The following ACVR1 variants were observed in gnomAD, a reference collection of about 807,000 sequenced individuals.
ACVR1 encodes activin A receptor type 1.
ACVR1 carries 38 observed loss-of-function variants against 57.1 expected under a neutral mutation model. The observed-to-expected ratio is 0.67, with a 90% confidence interval of 0.51 to 0.87. The LOEUF is 0.87. ACVR1 is among the 40% of genes least tolerant of loss of function. The pLI, the probability that ACVR1 is intolerant of heterozygous loss-of-function variation, is 0.00. For synonymous variants in ACVR1, 212 were observed against 228.1 expected (o/e 0.93, Z 0.63); for missense variants, 463 against 638.2 (o/e 0.73, Z 2.96).
Position 157,766,195 on chromosome 2 carries a change from A to C in ACVR1, c.792T>G (p.Gly264=), listed in dbSNP as rs1370774954. The C allele has an allele frequency of 6.2e-7, 1 of 1,613,894 alleles. No homozygotes were observed. Among genetic ancestry groups the C allele is most frequent in the East Asian group, 2.2e-5 (1 of 44,880 alleles). Residue 264 remains glycine, a splice_region_variant and synonymous_variant, in exon 8 of 11, where the codon GGT becomes GGG. Transcript: ENST00000434821. ...TVMLRHENIL[G]FIASDMTSRH... is the part of the protein sequence containing the mutation. Reference sequence around the variant, plus strand: ...TTGATGTCATGTCTGAAGCAATGAAACCTGGAGAGAGCAAGAAAAAAATTA... The same window carrying C: ...TTGATGTCATGTCTGAAGCAATGAACCCTGGAGAGAGCAAGAAAAAAATTA...
chr2:157,827,482 TAA>T (rs966996889), intron 1 of ACVR1, among the ~76,000 whole-genome samples: 1 of 152,230 alleles, frequency 6.6e-6, no homozygotes, highest in Non-Finnish European at 1.5e-5. Flanking sequence ...ATGAATTGTA[TAA>T]GTGTTTGCCA....
intron 4 of ACVR1, among the ~76,000 whole-genome samples, chr2:157,778,809 T>C (rs1352583050): frequency 6.6e-6 from 1 of 152,190 alleles, no homozygotes; most frequent in Non-Finnish European, 1.5e-5. Flanking sequence ...CATCACAATT[T>C]CTGCCTAGGA....
At chr2:157,863,546 A>T (rs2105380327) in intron 1 of ACVR1, among the ~76,000 whole-genome samples, 1 of 150,644 alleles carries the variant, frequency 6.6e-6, no homozygotes, top group South Asian at 2.1e-4. Flanking sequence ...AAAATACAAA[A>T]ATTAGCTGGG....
At chr2:157,833,758 G>C (rs1170852305) in intron 1 of ACVR1, among the ~76,000 whole-genome samples, 2 of 151,996 alleles carry the variant, frequency 1.3e-5, no homozygotes, top group African/African-American at 4.8e-5. Context: ...TTTTAGAATG[G>C]CTTATTTTCT....
intron 3 of ACVR1, among the ~76,000 whole-genome samples, chr2:157,797,732 C>T (rs1687172288): frequency 6.6e-6 from 1 of 152,140 alleles, no homozygotes; most frequent in South Asian, 2.1e-4. Context: ...GTCAGAGATG[C>T]CAAAGGCACT....
intron 1 of ACVR1, among the ~76,000 whole-genome samples, chr2:157,861,409 G>T (rs1053862265): frequency 2.3e-4 from 35 of 152,202 alleles, no homozygotes; most frequent in African/African-American, 8.2e-4. Flanking sequence ...GTTCGGAGTT[G>T]TGTGGTTGGG....
At chr2:157,794,038 C>T (rs1407802617) in intron 3 of ACVR1, among the ~76,000 whole-genome samples, 1 of 152,218 alleles carries the variant, frequency 6.6e-6, no homozygotes, top group South Asian at 2.1e-4. Context: ...TAAAATCTAA[C>T]TGTGGCTTAC....
intron 1 of ACVR1, among the ~76,000 whole-genome samples, chr2:157,855,336 AC>A (rs1397622985): frequency 0.016 from 2,271 of 140,386 alleles, 23 homozygotes; most frequent in Non-Finnish European, 0.024. Flanking sequence ...ACACACACAC[AC>A]ACACACACAA....
chr2:157,851,172 G>A (rs1689290347), intron 1 of ACVR1, among the ~76,000 whole-genome samples: 1 of 152,014 alleles, frequency 6.6e-6, no homozygotes, highest in Non-Finnish European at 1.5e-5. Context: ...GTTAACTTAA[G>A]GTAAATTTAA....
intron 2 of ACVR1, among the ~76,000 whole-genome samples, chr2:157,801,535 C>A (rs1427402022): frequency 2.6e-5 from 4 of 152,148 alleles, no homozygotes; most frequent in Non-Finnish European, 5.9e-5. Context: ...TTCAATCTGA[C>A]ATGAAACAAT....
intron 2 of ACVR1, among the ~76,000 whole-genome samples, chr2:157,805,174 G>A (rs1687472053): frequency 6.6e-6 from 1 of 152,142 alleles, no homozygotes; most frequent in Non-Finnish European, 1.5e-5. Flanking sequence ...ATAATATTGA[G>A]GATGAGGGGA....
chr2:157,823,616 AC>A (rs1267204694), intron 1 of ACVR1, among the ~76,000 whole-genome samples: 1 of 152,170 alleles, frequency 6.6e-6, no homozygotes, highest in Non-Finnish European at 1.5e-5. Flanking sequence ...ATATTAGAGC[AC>A]CTTTCTCCTC....
At chr2:157,823,279 A>G (rs1688220832) in intron 1 of ACVR1, among the ~76,000 whole-genome samples, 1 of 152,240 alleles carries the variant, frequency 6.6e-6, no homozygotes, top group Non-Finnish European at 1.5e-5. Context: ...CAGGAGGATT[A>G]TAACACTTTT....
At chr2:157,761,614 C>T (rs1029970933) in intron 8 of ACVR1, among the ~76,000 whole-genome samples, 1 of 152,220 alleles carries the variant, frequency 6.6e-6, no homozygotes, top group African/African-American at 2.4e-5. Flanking sequence ...ACCAAACCCA[C>T]AGGCCTTTTC....
At chr2:157,795,900 A>ACCCAT (rs1687097894) in intron 3 of ACVR1, among the ~76,000 whole-genome samples, 1 of 152,006 alleles carries the variant, frequency 6.6e-6, no homozygotes, top group Non-Finnish European at 1.5e-5. Flanking sequence ...CCTACATCAC[A>ACCCAT]GGTCCACCCA....
At position 157,859,203 on chromosome 2, in the gene ACVR1, G is replaced by A. The variant is rs193176260; in HGVS notation, c.-183+16593C>T. 7.1e-3 allele frequency among the ~76,000 whole-genome samples: 1,082 copies of A among 152,232 alleles called. 5 individuals are homozygous for A. Among genetic ancestry groups the A allele is most frequent in the Non-Finnish European group, 9.9e-3 (672 of 68,010 alleles). On this transcript the variant is annotated intron_variant, in intron 1 of 10. Coordinates refer to ENST00000434821, the MANE Select transcript of ACVR1 (RefSeq NM_001111067.4). ...AGACCTCACTGATAAAACAGGTTGC[G>A]GTAAAGAAGCCAGCCAAAACTCACC...
chr2:157,793,977 C>A (rs543625357), intron 3 of ACVR1, among the ~76,000 whole-genome samples: 2 of 152,248 alleles, frequency 1.3e-5, no homozygotes, highest in South Asian at 2.1e-4. Flanking sequence ...TAGAACAGGC[C>A]GAAATCTCTT....
At chr2:157,759,522 C>G (rs978998031) in intron 9 of ACVR1, among the ~76,000 whole-genome samples, 1 of 151,940 alleles carries the variant, frequency 6.6e-6, no homozygotes, top group Non-Finnish European at 1.5e-5. Context: ...TTCTTCCAAA[C>G]TTAAATAGAA....
intron 1 of ACVR1, chr2:157,819,579 C>T (rs1453110015): frequency 6.6e-6 from 1 of 151,918 alleles, no homozygotes; most frequent in Non-Finnish European, 1.5e-5. Context: ...CTGGCCCCTC[C>T]TAGAGGCATC....
Sources: gnomAD v4.1 joint callset for allele counts (sites outside exome capture counted in the v4.1 genomes callset) on GRCh38, gnomAD v4.1.1 for gene constraint, MANE v1.5 for transcripts, NCBI Gene and HGNC (gene_info 2026-07-23, HGNC 2026-07-21) for gene names.